Variants in NADSYN1 observed in about 807,000 individuals in gnomAD.
NADSYN1 encodes NAD synthetase 1.
Under a neutral mutation model 99.3 loss-of-function variants are expected in NADSYN1, and 80 were observed. The ratio of observed to expected loss-of-function variants is 0.81; its 90% CI spans 0.67 to 0.97. NADSYN1 has a LOEUF of 0.97. Among genes scored for constraint, NADSYN1 ranks in the 50% least tolerant of loss-of-function variants. The pLI, the probability that NADSYN1 is intolerant of heterozygous loss-of-function variation, is 0.00. For missense variants in NADSYN1, 859 were observed against 948.5 expected, an observed-to-expected ratio of 0.91 and a Z score of 1.24; for synonymous variants, 385 against 372.1, an observed-to-expected ratio of 1.03 and a Z score of -0.40.
intron 11 of NADSYN1, 183 bp downstream of exon 11, chr11:71,481,062 C>CCCCA: frequency 3.7e-6 from 3 of 819,530 alleles, no homozygotes; most frequent in Non-Finnish European, 5.6e-6. Flanking sequence ...TGGGTGTGAC[C>CCCCA]CCCAGCCCTG....
chr11:71,477,406 G>T (rs180807453), intron 9 of NADSYN1: 21 of 1,289,644 alleles, frequency 1.6e-5, no homozygotes, highest in Non-Finnish European at 1.9e-5. Flanking sequence ...TGCGTGAATC[G>T]GTCTCCTTGT....
At chr11:71,497,830 G>A (rs1239038992) in intron 19 of NADSYN1, among the ~76,000 whole-genome samples, 2 of 150,220 alleles carry the variant, frequency 1.3e-5, no homozygotes, top group Middle Eastern at 3.4e-3. Context: ...AGGTAAACAC[G>A]ACATGAAACA....
chr11:71,457,009 T>C (rs1362749651), intron 2 of NADSYN1, among the ~76,000 whole-genome samples: 1 of 152,248 alleles, frequency 6.6e-6, no homozygotes, highest in Non-Finnish European at 1.5e-5. Flanking sequence ...GAGCTGGTGC[T>C]GGAAGCTTTG....
At chr11:71,472,662 G>A (rs1038100500) in intron 6 of NADSYN1, among the ~76,000 whole-genome samples, 162 bp downstream of exon 6, 1 of 152,200 alleles carries the variant, frequency 6.6e-6, no homozygotes, top group Non-Finnish European at 1.5e-5. Context: ...TATAGTGAGG[G>A]GGGCTGCGTG....
chr11:71,457,428 A>C (rs1341031496), intron 2 of NADSYN1, among the ~76,000 whole-genome samples: 1 of 152,138 alleles, frequency 6.6e-6, no homozygotes, highest in Non-Finnish European at 1.5e-5. Flanking sequence ...TAGAAAGGAG[A>C]ACTTCTTGAA....
rs773097253 is a variant in NADSYN1 at position 71,473,554 on chromosome 11, T to G, written c.549-15T>G. Reference sequence around the variant, plus strand: ...AGTCTGGTGGCCTGTTCTCTTCACCTGCCTCTGCCTGCAGCCCGCACATCG... The same window carrying G: ...AGTCTGGTGGCCTGTTCTCTTCACCGGCCTCTGCCTGCAGCCCGCACATCG... On this transcript the variant is annotated splice_polypyrimidine_tract_variant and intron_variant, in intron 7 of 20. Transcript: ENST00000319023. 3 of 1,603,506 alleles carry G rather than the reference T, an allele frequency of 1.9e-6. No homozygotes were observed. The highest frequency in any genetic ancestry group is 1.7e-5 in the Admixed American group (1 of 59,716).
intron 12 of NADSYN1, 130 bp downstream of exon 12, chr11:71,481,534 C>A: frequency 2.1e-6 from 2 of 930,790 alleles, no homozygotes; most frequent in Non-Finnish European, 3.2e-6. Context: ...CATCACTCTG[C>A]CTCCATGGGG....
intron 9 of NADSYN1, chr11:71,474,987 G>A (rs1352074737): frequency 1.9e-5 from 4 of 216,184 alleles, no homozygotes; most frequent in East Asian, 2.0e-4. Context: ...GTGTGCTCAG[G>A]AACAGAGGGG....
chr11:71,488,370 G>A (rs919791193), intron 16 of NADSYN1, among the ~76,000 whole-genome samples: 1 of 152,068 alleles, frequency 6.6e-6, no homozygotes, highest in Non-Finnish European at 1.5e-5. Flanking sequence ...ACTGAGAAGT[G>A]GGTTTCATAA....
chr11:71,467,006 C>T (rs1449729857), intron 5 of NADSYN1, among the ~76,000 whole-genome samples: 5 of 152,134 alleles, frequency 3.3e-5, no homozygotes, highest in South Asian at 2.1e-4. Flanking sequence ...ATAGGAGACA[C>T]CTCTGAATGC....
At chr11:71,492,695 T>C (rs946492370) in intron 18 of NADSYN1, among the ~76,000 whole-genome samples, 3 of 152,174 alleles carry the variant, frequency 2.0e-5, no homozygotes, top group African/African-American at 7.2e-5. Context: ...CTGAGTCTCT[T>C]GAACATCCAT....
chr11:71,458,455 C>T lies in NADSYN1; in HGVS notation c.174C>T (p.Tyr58=), dbSNP rs781101735. Residue 58 remains tyrosine (Y), a synonymous_variant, in exon 3 of 21, where the codon TAC becomes TAT. Transcript: ENST00000319023. ...GCTACGGATGTTGGGATCATTATTA[C>T]GAGTCGGACACCCTCTTGCACTCGT... ...ICGYGCWDHY[Y]ESDTLLHSFQ... 43 of 1,613,780 alleles carry T rather than the reference C, an allele frequency of 2.7e-5. 1 individual carries two copies. The Middle Eastern group carries it at 4.9e-4, about 19-fold the overall frequency.
chr11:71,473,202 CCGTGGCCCTAGGTAGTG>C, intron 6 of NADSYN1, 59 bp from the exon 7 acceptor site: 1 of 1,358,092 alleles, frequency 7.4e-7, no homozygotes, highest in Non-Finnish European at 1.0e-6. Flanking sequence ...TGCAGGATGT[CCGTGGCCCTAGGTAGTG>C]CGTGGCCCAG....
intron 18 of NADSYN1, among the ~76,000 whole-genome samples, chr11:71,494,349 G>T (rs1018615530): frequency 9.8e-5 from 15 of 152,308 alleles, no homozygotes; most frequent in African/African-American, 3.4e-4. Context: ...GCAACATGCT[G>T]TGCACGTGTG....
chr11:71,466,790 C>G (rs941022225), intron 5 of NADSYN1: 1 of 152,192 alleles, frequency 6.6e-6, no homozygotes, highest in African/African-American at 2.4e-5. Context: ...AATATGTATG[C>G]ATTTATGTCT....
At chr11:71,458,606 C>T (rs1373678585) in intron 3 of NADSYN1, 62 bp downstream of exon 3, 2 of 1,145,228 alleles carry the variant, frequency 1.7e-6, no homozygotes, top group African/African-American at 3.0e-5. Context: ...AAGGGCATGA[C>T]CCACCCAACC....
At chr11:71,490,196 C>T (rs923530978) in intron 16 of NADSYN1, among the ~76,000 whole-genome samples, 1 of 152,162 alleles carries the variant, frequency 6.6e-6, no homozygotes, top group Non-Finnish European at 1.5e-5. Flanking sequence ...CACGACGCCT[C>T]CTCCGTCTTC....
At chr11:71,478,238 G>A (rs573650723) in intron 9 of NADSYN1, among the ~76,000 whole-genome samples, 157 bp from the exon 10 acceptor site, 6 of 152,284 alleles carry the variant, frequency 3.9e-5, no homozygotes, top group East Asian at 3.9e-4. Context: ...CTATGGGTCC[G>A]CCTCAATGTC....
chr11:71,501,736 CCTT>C lies in NADSYN1; in HGVS notation c.*387_*389del, dbSNP rs1279945719. 4.3e-6 allele frequency: 1 copy of C among 232,554 alleles called. No individual in the cohort carries two copies. The highest frequency in any genetic ancestry group is 8.5e-6 in the Non-Finnish European group (1 of 116,984). The allele number at this position is 232,554 out of a possible 1,614,324, so 14.4% of individuals were successfully genotyped here. A position where few individuals can be genotyped will look rare whatever the true frequency, so the allele number is the denominator to read the frequency against. On this transcript the variant is annotated 3_prime_UTR_variant, in exon 21 of 21. Coordinates refer to ENST00000319023, the MANE Select transcript of NADSYN1 (RefSeq NM_018161.5). ...TGAGCAGAAAATGAAGGAGAGAAGA[CCTT>C]CTCTCCCACCCACACACACCTTCCT... is the stretch of plus-strand genomic sequence containing the variant.
Sources: allele counts gnomAD v4.1 joint callset (sites outside exome capture counted in the v4.1 genomes callset), GRCh38; gene constraint gnomAD v4.1.1; transcripts MANE v1.5; gene names NCBI Gene and HGNC (gene_info 2026-07-23, HGNC 2026-07-21).